The following CD4 variants were observed in gnomAD, a reference collection of about 807,000 sequenced individuals.
The protein encoded by CD4 is CD4 molecule.
Under a neutral mutation model 50.5 loss-of-function variants are expected in CD4, and 25 were observed. The observed-to-expected ratio is 0.49, with a 90% CI of 0.36 to 0.69. The LOEUF is 0.69. Among genes scored for constraint, CD4 ranks in the 30% least tolerant of loss-of-function variants. CD4 has a pLI of 0.00. For synonymous variants in CD4, 207 were observed against 221.9 expected (o/e 0.93, Z 0.60); for missense variants, 456 against 548.5 (o/e 0.83, Z 1.68).
intron 3 of CD4, among the ~76,000 whole-genome samples, chr12:6,801,016 C>T (rs1228984776): frequency 6.6e-6 from 1 of 151,826 alleles, no homozygotes; most frequent in Non-Finnish European, 1.5e-5. Flanking sequence ...AGTCATCATC[C>T]CACCTCAGCC....
At chr12:6,795,890 G>A (rs913781432) in intron 1 of CD4, among the ~76,000 whole-genome samples, 1 of 152,232 alleles carries the variant, frequency 6.6e-6, no homozygotes, top group Non-Finnish European at 1.5e-5. Flanking sequence ...GCCATGTGTG[G>A]CTGTCAGCCC....
chr12:6,798,689 G>A (rs1303209464), intron 1 of CD4, among the ~76,000 whole-genome samples: 1 of 152,064 alleles, frequency 6.6e-6, no homozygotes, highest in Non-Finnish European at 1.5e-5. Context: ...TACCTCTCAC[G>A]CTGTATCAGG....
At chr12:6,815,891 A>G in intron 5 of CD4, 165 bp from the exon 6 acceptor site, 2 of 1,522,268 alleles carry the variant, frequency 1.3e-6, no homozygotes, top group Middle Eastern at 1.7e-4. Context: ...GAAGGGAGAG[A>G]AGGCTGGAGA....
At chr12:6,808,450 CAAAAAAAAAAAAAAAAA>C (rs3032789) in intron 3 of CD4, among the ~76,000 whole-genome samples, 556 of 37,852 alleles carry the variant, frequency 0.015, 18 homozygotes, top group Middle Eastern at 0.038. Flanking sequence ...GATTCTGTCT[CAAAAAAAAAAAAAAAAA>C]AAAAAAAAAA....
At chr12:6,805,222 GAAAA>G (rs1942702678) in intron 3 of CD4, among the ~76,000 whole-genome samples, 1 of 133,342 alleles carries the variant, frequency 7.5e-6, no homozygotes, top group South Asian at 2.4e-4. Flanking sequence ...GAAAAGAAAA[GAAAA>G]GAAAAAGAAA....
Position 6,801,228 on chromosome 12 carries a change from A to G in CD4, c.214+757A>G, listed in dbSNP as rs138185185. On this transcript the variant is annotated intron_variant, in intron 3 of 9. Coordinates refer to ENST00000011653, the MANE Select transcript of CD4 (RefSeq NM_000616.5). ...GCCAAAAAAAATTTTTTTAATTAAAAAAAAAAAGGCCGGCTGTAGTGGCTC... is the reference window on the plus strand; with the variant it reads ...GCCAAAAAAAATTTTTTTAATTAAAGAAAAAAAGGCCGGCTGTAGTGGCTC... Among the ~76,000 whole-genome samples the G allele has an allele frequency of 7.2e-3, 1,087 of 151,802 alleles. 10 individuals are homozygous for G. The highest frequency in any genetic ancestry group is 0.024 in the African/African-American group (994 of 41,454).
At chr12:6,808,193 G>T (rs144788231) in intron 3 of CD4, among the ~76,000 whole-genome samples, 1,594 of 148,198 alleles carry the variant, frequency 0.011, 13 homozygotes, top group Non-Finnish European at 0.015. Flanking sequence ...AGTGGCTCAC[G>T]CCTGTAATCC....
chr12:6,797,345 G>C (rs927012943), intron 1 of CD4, among the ~76,000 whole-genome samples: 6 of 152,012 alleles, frequency 3.9e-5, no homozygotes, highest in Non-Finnish European at 8.8e-5. Flanking sequence ...AGGCCTTGTA[G>C]GGTTGGTCTG....
In CD4 at chr12:6,818,057, C is replaced by T. The variant is rs900946445; in HGVS notation, c.1157-364C>T. Among the ~76,000 whole-genome samples the T allele has an allele frequency of 6.7e-6, 1 of 149,772 alleles. No individual in the cohort carries two copies. The highest frequency in any genetic ancestry group is 1.5e-5 in the Non-Finnish European group (1 of 67,392). ...ACAGGCACACATTCACACACATGCA[C>T]ACACGCACACACATTCACACATGGA... On this transcript the variant is annotated intron_variant, in intron 7 of 9. Coordinates refer to ENST00000011653, the MANE Select transcript of CD4 (RefSeq NM_000616.5). The surrounding 1 kb of genome is among the most constrained non-coding windows in gnomAD (Gnocchi z 5.0).
chr12:6,800,624 C>T (rs1234882715), intron 3 of CD4, among the ~76,000 whole-genome samples, 153 bp downstream of exon 3: 1 of 152,116 alleles, frequency 6.6e-6, no homozygotes, highest in Non-Finnish European at 1.5e-5. Context: ...TTTCTCTACA[C>T]CAACTGCTGG....
intron 3 of CD4, among the ~76,000 whole-genome samples, chr12:6,806,896 G>A (rs1462509016): frequency 6.6e-6 from 1 of 152,148 alleles, no homozygotes; most frequent in Non-Finnish European, 1.5e-5. Context: ...GGCCGGGCGC[G>A]GTAGCTCACG....
At chr12:6,800,026 C>T in intron 1 of CD4, 46 bp from the exon 2 acceptor site, 1 of 941,680 alleles carries the variant, frequency 1.1e-6, no homozygotes, top group Non-Finnish European at 1.7e-6. Context: ...CTGTATACTC[C>T]AGGTCCAGTA....
At chr12:6,804,754 C>T (rs906328083) in intron 3 of CD4, among the ~76,000 whole-genome samples, 1 of 151,922 alleles carries the variant, frequency 6.6e-6, no homozygotes, top group African/African-American at 2.4e-5. Flanking sequence ...CAGTGGCTCA[C>T]TCCTGTAACC....
chr12:6,790,493 A>G (rs1473408866), intron 1 of CD4, among the ~76,000 whole-genome samples: 3 of 152,264 alleles, frequency 2.0e-5, no homozygotes. Flanking sequence ...AGTTGCAGAT[A>G]CATATCTTTA....
In CD4 at chr12:6,818,793, C is replaced by T. The variant is rs56370442; in HGVS notation, c.1279-54C>T. 4 of 1,515,948 alleles carry T rather than the reference C, an allele frequency of 2.6e-6. No individual in the cohort carries two copies. Among genetic ancestry groups the T allele is most frequent in the Admixed American group, 1.7e-5 (1 of 59,846 alleles). 93.9% of individuals were successfully genotyped at this position (1,515,948 alleles called of 1,614,324 possible). Reference sequence around the variant, plus strand: ...CCCCCACTCCCCCCACCAAGGGGCACCTCCCTTCTGGAGGCCTGGGACCCT... The same window carrying T: ...CCCCCACTCCCCCCACCAAGGGGCATCTCCCTTCTGGAGGCCTGGGACCCT... On this transcript the variant is annotated intron_variant, in intron 8 of 9. Coordinates refer to ENST00000011653, the MANE Select transcript of CD4 (RefSeq NM_000616.5). This position sits in a 1 kb window ranked among gnomAD's most constrained non-coding sequence, Gnocchi z 5.0.
chr12:6,801,295 T>C (rs2137863474), intron 3 of CD4, among the ~76,000 whole-genome samples: 1 of 149,990 alleles, frequency 6.7e-6, no homozygotes, highest in East Asian at 2.1e-4. Context: ...GGTGGGCAGA[T>C]CACCGGNGGT....
chr12:6,806,941 G>A (rs1942780242), intron 3 of CD4, among the ~76,000 whole-genome samples: 1 of 152,196 alleles, frequency 6.6e-6, no homozygotes, highest in African/African-American at 2.4e-5. Flanking sequence ...GCCGAGGCGG[G>A]TGGATCACGA....
At chr12:6,815,200 G>A in intron 5 of CD4, 1 of 547,554 alleles carries the variant, frequency 1.8e-6, no homozygotes, top group Non-Finnish European at 3.2e-6. Context: ...TCAGTGTGGT[G>A]GACATGGAGA....
At chr12:6,803,292 A>C (rs1184398517) in intron 3 of CD4, among the ~76,000 whole-genome samples, 1 of 152,042 alleles carries the variant, frequency 6.6e-6, no homozygotes, top group Non-Finnish European at 1.5e-5. Context: ...CTGGGATTAC[A>C]GGTGTGCACC....
Sources: gnomAD v4.1 joint callset for allele counts (sites outside exome capture counted in the v4.1 genomes callset) on GRCh38, gnomAD v4.1.1 for gene constraint, Gnocchi (gnomAD v3.1) non-coding constraint, MANE v1.5 for transcripts, NCBI Gene and HGNC (gene_info 2026-07-23, HGNC 2026-07-21) for gene names.